Variants in WLS observed in about 807,000 individuals in gnomAD.
WLS encodes protein wntless homolog.
A neutral mutation model predicts 62.8 loss-of-function variants in WLS; 23 were observed. The ratio of observed to expected loss-of-function variants is 0.37; its 90% CI spans 0.26 to 0.52. WLS has a LOEUF of 0.52. Ranked by LOEUF, WLS falls within the 20% of genes least tolerant of loss-of-function variation. The pLI, the probability that WLS is intolerant of heterozygous loss-of-function variation, is 0.92. For synonymous variants in WLS, 246 were observed against 244.1 expected, an observed-to-expected ratio of 1.01 and a Z score of -0.07; for missense variants, 615 against 697.3, an observed-to-expected ratio of 0.88 and a Z score of 1.33.
At chr1:68,122,085 T>C (rs10158351), downstream of WLS, among the ~76,000 whole-genome samples, 48,496 of 151,780 alleles carry the variant, frequency 0.32, 7,765 homozygotes, top group East Asian at 0.44. Context: ...GAAATTCTAG[T>C]TTATAGATTC....
chr1:68,220,340 A>T (rs1396686955), intron 1 of WLS, among the ~76,000 whole-genome samples: 1 of 152,232 alleles, frequency 6.6e-6, no homozygotes, highest in African/African-American at 2.4e-5. Flanking sequence ...TGAAAAGTTA[A>T]TTATGGGCAA....
At position 68,145,878 on chromosome 1, in the gene WLS, T is replaced by C. The variant is rs765453441; in HGVS notation, c.1269A>G (p.Leu423=). ...CAAGAAATCTGCCCACCTCATAGTG[T>C]AGCCGCCGGACTTTGCTCATAGCTG... is the stretch of plus-strand genomic sequence containing the variant. ...SLPAMSKVRR[L]HYEGLIFRFK... is the part of the protein sequence containing the mutation. The change falls in exon 9 of 12, where the codon CTA becomes CTG. Residue 423 remains leucine (L), a synonymous_variant. Transcript: ENST00000262348. 8 of 1,614,180 alleles carry C rather than the reference T, an allele frequency of 5.0e-6. No individual in the cohort carries two copies. Among genetic ancestry groups the C allele is most frequent in the Non-Finnish European group, 6.8e-6 (8 of 1,180,028 alleles).
rs1192530639 is a variant in WLS, at chr1:68,113,794, GGCTTGAAAA to G, written c.1511-15050_1511-15042del. ...CCCAGGTGAACTGTCCGCAGGGAAA[GGCTTGAAAA>G]GCCTTGCTACAGGACAGCAAATCCC... On this transcript the variant is annotated intron_variant, in intron 11 of 11. Coordinates refer to the WLS transcript ENST00000354777. 4.6e-5 allele frequency among the ~76,000 whole-genome samples: 7 copies of G among 152,074 alleles called. No homozygotes were observed. In the East Asian group the frequency reaches 1.4e-3, roughly 29 times the overall value.
chr1:68,189,771 C>T (rs1003005008), intron 2 of WLS, among the ~76,000 whole-genome samples: 2 of 152,192 alleles, frequency 1.3e-5, no homozygotes, highest in African/African-American at 2.4e-5. Flanking sequence ...CAGTGGCTCA[C>T]ACCTGTAATC....
chr1:68,146,308 A>G (rs1646751910), intron 8 of WLS, among the ~76,000 whole-genome samples: 1 of 152,216 alleles, frequency 6.6e-6, no homozygotes, highest in African/African-American at 2.4e-5. Context: ...AATGAATCAG[A>G]ATCTACCTTT....
At chr1:68,105,005 C>T (rs181285529) in intron 11 of WLS, among the ~76,000 whole-genome samples, 1 of 152,254 alleles carries the variant, frequency 6.6e-6, no homozygotes, top group African/African-American at 2.4e-5. Context: ...AAGTCTTAGG[C>T]AGTCACTGCC....
At chr1:68,182,488 G>T in intron 2 of WLS, among the ~76,000 whole-genome samples, 2 of 152,308 alleles carry the variant, frequency 1.3e-5, no homozygotes, top group Middle Eastern at 6.8e-3. Flanking sequence ...CTATCCTGGG[G>T]TAAACAAAAT....
intron 2 of WLS, among the ~76,000 whole-genome samples, chr1:68,172,087 C>G (rs1365839780): frequency 1.3e-5 from 2 of 151,486 alleles, no homozygotes; most frequent in Non-Finnish European, 2.9e-5. Flanking sequence ...ACCACATGTT[C>G]TCACTCATAA....
intron 1 of WLS, among the ~76,000 whole-genome samples, chr1:68,224,393 T>C (rs1420471102): frequency 1.3e-5 from 2 of 152,232 alleles, no homozygotes; most frequent in Non-Finnish European, 2.9e-5. Flanking sequence ...TTCTTCAGTC[T>C]ATATTCTACC....
chr1:68,174,977 CA>C (rs1162311812), intron 2 of WLS, among the ~76,000 whole-genome samples: 1 of 152,050 alleles, frequency 6.6e-6, no homozygotes, highest in Non-Finnish European at 1.5e-5. Flanking sequence ...TATGGAGGGA[CA>C]ACTGGGAAAA....
At chr1:68,115,733 C>T (rs1040506819) in intron 11 of WLS, among the ~76,000 whole-genome samples, 2 of 152,052 alleles carry the variant, frequency 1.3e-5, no homozygotes, top group Non-Finnish European at 2.9e-5. Context: ...CAACAAATTT[C>T]TGAAGGCATT....
At position 68,198,446 on chromosome 1, in the gene WLS, TA is replaced by T. The variant is rs1648801473; in HGVS notation, c.107-4220del. ...ATGAATTGTGAAATGTGATTCTATA[TA>T]ACATTTAATGTTAAAGTGATATGAA... On this transcript the variant is annotated intron_variant, in intron 1 of 11. Coordinates refer to ENST00000262348, the MANE Select transcript of WLS (RefSeq NM_024911.7). Among the ~76,000 whole-genome samples the T allele has an allele frequency of 2.6e-5, 4 of 152,142 alleles. No homozygotes were observed. The South Asian group carries it at 8.3e-4, about 31-fold the overall frequency.
At chr1:68,162,224 TCCTGC>T in intron 2 of WLS, 1 of 1,485,782 alleles carries the variant, frequency 6.7e-7, no homozygotes, top group Non-Finnish European at 9.4e-7. Context: ...GCCCCTCGTA[TCCTGC>T]CCTCCTTGAG....
intron 2 of WLS, among the ~76,000 whole-genome samples, chr1:68,177,788 C>T (rs527480548): frequency 1.3e-5 from 2 of 152,280 alleles, no homozygotes; most frequent in East Asian, 1.9e-4. Context: ...GCCACTGCGC[C>T]CAGCCAACTA....
In WLS at chr1:68,185,045, C is replaced by T. The variant is rs576408236; in HGVS notation, c.379+8910G>A. On this transcript the variant is annotated intron_variant, in intron 2 of 11. Transcript: ENST00000262348. ...TGATGGAAGGAGCGGGGCACAGAGT[C>T]GGGGGAGGTTTCTCCACACACCAAG... is the stretch of plus-strand genomic sequence containing the variant. 9.9e-5 allele frequency among the ~76,000 whole-genome samples: 15 copies of T among 152,270 alleles called. No homozygotes were observed. In the East Asian group the frequency reaches 2.5e-3, roughly 26 times the overall value.
chr1:68,210,702 C>T (rs903884345), intron 1 of WLS, among the ~76,000 whole-genome samples: 26 of 152,228 alleles, frequency 1.7e-4, no homozygotes, highest in African/African-American at 6.3e-4. Context: ...CTGTTGAAAA[C>T]AGACAAATGG....
At chr1:68,118,414 G>A (rs1646321087) in intron 11 of WLS, among the ~76,000 whole-genome samples, 1 of 152,296 alleles carries the variant, frequency 6.6e-6, no homozygotes, top group African/African-American at 2.4e-5. Context: ...CACAGTTCTG[G>A]AGGGCTCTGT....
chr1:68,125,435 A>C lies in WLS; in HGVS notation c.*791T>G. On this transcript the variant is annotated 3_prime_UTR_variant, in exon 12 of 12. Coordinates refer to ENST00000262348, the MANE Select transcript of WLS (RefSeq NM_024911.7). ...GGTTTATTTAAATGATTGGATCTACACTTTTGGAGGCTATTTGAAGTATCT... is the reference window on the plus strand; with the variant it reads ...GGTTTATTTAAATGATTGGATCTACCCTTTTGGAGGCTATTTGAAGTATCT... The C allele has an allele frequency of 1.0e-6, 1 of 985,444 alleles. No homozygotes were observed. Among genetic ancestry groups the C allele is most frequent in the Non-Finnish European group, 1.2e-6 (1 of 829,942 alleles). 61.0% of individuals were successfully genotyped at this position (985,444 alleles called of 1,614,324 possible). A position where few individuals can be genotyped will look rare whatever the true frequency, so the allele number is the denominator to read the frequency against.
intron 6 of WLS, among the ~76,000 whole-genome samples, chr1:68,149,274 C>A (rs1025036175): frequency 2.0e-5 from 3 of 152,192 alleles, no homozygotes; most frequent in African/African-American, 4.8e-5. Flanking sequence ...CAGCTCCCTG[C>A]GGACAATCCT....
Sources: allele counts gnomAD v4.1 joint callset (sites outside exome capture counted in the v4.1 genomes callset), GRCh38; gene constraint gnomAD v4.1.1; transcripts MANE v1.5; gene names NCBI Gene and HGNC (gene_info 2026-07-23, HGNC 2026-07-21).